Variants in TPD52 observed in about 807,000 individuals in gnomAD.
The protein encoded by TPD52 is prostate and colon associated protein.
Under a neutral mutation model 31.3 loss-of-function variants are expected in TPD52, and 17 were observed. That is an observed-to-expected ratio of 0.54 (90% CI 0.37 to 0.82). The LOEUF (loss-of-function observed/expected upper bound fraction) is 0.82, where lower values mean the gene tolerates loss of function less well. TPD52 is among the 40% of genes least tolerant of loss of function. TPD52 has a pLI of 0.00. For missense variants in TPD52, 212 were observed against 240.1 expected, an observed-to-expected ratio of 0.88 and a Z score of 0.77; for synonymous variants, 83 against 89.6, an observed-to-expected ratio of 0.93 and a Z score of 0.42.
chr8:80,147,780 C>G (rs577357378), intron 1 of TPD52, among the ~76,000 whole-genome samples: 18 of 151,940 alleles, frequency 1.2e-4, no homozygotes, highest in Middle Eastern at 3.4e-3. Context: ...CTAATCAAGC[C>G]TCTTCAAGAC....
chr8:80,119,965 G>A, intron 1 of TPD52: 1 of 263,200 alleles, frequency 3.8e-6, no homozygotes, highest in South Asian at 3.6e-5. Flanking sequence ...GGTACTGATG[G>A]GATCTCTCTG....
chr8:80,053,608 T>C (rs1486846564), intron 2 of TPD52, among the ~76,000 whole-genome samples, 178 bp from the exon 3 acceptor site: 2 of 152,186 alleles, frequency 1.3e-5, no homozygotes, highest in Admixed American at 6.5e-5. Context: ...TGATCTCTCC[T>C]GTAGAGTTCT....
At chr8:80,095,320 A>C (rs1816648710) in intron 1 of TPD52, among the ~76,000 whole-genome samples, 1 of 152,188 alleles carries the variant, frequency 6.6e-6, no homozygotes, top group Non-Finnish European at 1.5e-5. Context: ...AAAAGACAAA[A>C]TTATGGAGAC....
intron 1 of TPD52, among the ~76,000 whole-genome samples, chr8:80,071,488 C>A (rs1421040921): frequency 6.6e-6 from 1 of 152,120 alleles, no homozygotes; most frequent in Non-Finnish European, 1.5e-5. Flanking sequence ...CCCCCTGCAA[C>A]CTTGTGGCTG....
At chr8:80,088,974 C>T (rs1470505918) in intron 1 of TPD52, among the ~76,000 whole-genome samples, 1 of 152,186 alleles carries the variant, frequency 6.6e-6, no homozygotes. Context: ...GGATTACAGG[C>T]GTGAACCACT....
intron 1 of TPD52, among the ~76,000 whole-genome samples, chr8:80,087,147 C>T (rs1269788013): frequency 6.6e-6 from 1 of 151,876 alleles, no homozygotes. Flanking sequence ...TTTTTTTTCC[C>T]CCCATCAACT....
At chr8:80,151,318 T>A (rs1411299998) in intron 1 of TPD52, among the ~76,000 whole-genome samples, 1 of 152,212 alleles carries the variant, frequency 6.6e-6, no homozygotes, top group East Asian at 1.9e-4. Context: ...TTATTAGCAA[T>A]GTGAGAACAG....
chr8:80,098,503 G>A (rs1204099875), intron 1 of TPD52, among the ~76,000 whole-genome samples: 1 of 152,196 alleles, frequency 6.6e-6, no homozygotes, highest in Non-Finnish European at 1.5e-5. Context: ...TTCAGTGGAG[G>A]AAATAACTGC....
At chr8:80,148,317 A>AGAGTGTGTGT (rs1660270963) in intron 1 of TPD52, among the ~76,000 whole-genome samples, 1 of 143,996 alleles carries the variant, frequency 6.9e-6, no homozygotes, top group South Asian at 2.3e-4. Context: ...TTCCTGGCTA[A>AGAGTGTGTGT]GTGTGTGTGT....
intron 1 of TPD52, among the ~76,000 whole-genome samples, chr8:80,145,603 C>T (rs1810139197): frequency 6.6e-6 from 1 of 152,158 alleles, no homozygotes; most frequent in South Asian, 2.1e-4. Flanking sequence ...ATTCCGGGCC[C>T]ACTTCATGCC....
intron 1 of TPD52, among the ~76,000 whole-genome samples, chr8:80,142,032 G>GCTCT (rs1554593228): frequency 2.8e-5 from 3 of 107,000 alleles, no homozygotes; most frequent in Non-Finnish European, 5.6e-5. Flanking sequence ...TTCTTCCCTA[G>GCTCT]GTCTATCAAA....
intron 2 of TPD52, among the ~76,000 whole-genome samples, chr8:80,058,476 T>A (rs1812140940): frequency 6.6e-6 from 1 of 152,214 alleles, no homozygotes; most frequent in African/African-American, 2.4e-5. Context: ...GGGAAAAGGT[T>A]ATCTGTATTC....
intron 1 of TPD52, among the ~76,000 whole-genome samples, chr8:80,106,505 C>T (rs1417018070): frequency 1.3e-4 from 20 of 151,244 alleles, no homozygotes; most frequent in Admixed American, 1.2e-3. Context: ...TACAGGTGCA[C>T]GCCACCACAC....
At position 80,094,427 on chromosome 8, in the gene TPD52, ATT is replaced by A. The variant is rs1202833403; in HGVS notation, c.20-29836_20-29835del. On this transcript the variant is annotated intron_variant, in intron 1 of 7. Transcript: ENST00000518937. ...GTGACTAAGTTCTAGACAAAAGAAA[ATT>A]TTATATATATATATATATATATATA... Among the ~76,000 whole-genome samples the A allele has an allele frequency of 8.6e-3, 778 of 90,554 alleles. 42 individuals are homozygous for A. Among genetic ancestry groups the A allele is most frequent in the African/African-American group, 0.027 (679 of 24,910 alleles). 59.4% of individuals were successfully genotyped at this position (90,554 alleles called of 152,430 possible).
chr8:80,169,795 G>A (rs1001030733), intron 1 of TPD52, among the ~76,000 whole-genome samples: 1 of 152,082 alleles, frequency 6.6e-6, no homozygotes, highest in African/African-American at 2.4e-5. Context: ...CCCCTAAGCC[G>A]GCTAACAATA....
rs1258462585 is a variant in TPD52 at position 80,171,428 on chromosome 8, G to T, written c.16C>A (p.Gln6Lys). 6.3e-7 allele frequency: 1 copy of T among 1,595,286 alleles called. No homozygotes were observed. MDRGEQGLLRTDPVPE... is the reference protein window; with the variant it reads MDRGEKGLLRTDPVPE... ...CCCGCTGGGTCCGCGCCCTCACCTT[G>T]CTCGCCGCGGTCCATGTCTCCAGCC... Residue 6 changes from glutamine (Q) to lysine (K), a missense_variant, in exon 1 of 8, where the codon CAA (glutamine) becomes AAA (lysine). Gln to Lys is a moderately conservative substitution (Grantham distance 53). Transcript: ENST00000518937.
intron 1 of TPD52, among the ~76,000 whole-genome samples, chr8:80,129,338 T>C (rs1808853249): frequency 6.6e-6 from 1 of 152,196 alleles, no homozygotes; most frequent in East Asian, 1.9e-4. Flanking sequence ...TGTATTAAAA[T>C]TTATATTAAG....
At chr8:80,105,652 C>T (rs187863112) in intron 1 of TPD52, among the ~76,000 whole-genome samples, 3 of 151,832 alleles carry the variant, frequency 2.0e-5, no homozygotes, top group African/African-American at 7.2e-5. Context: ...GCTCGTCCTG[C>T]TACAAACCTT....
chr8:80,148,936 A>G (rs1459020260), intron 1 of TPD52, among the ~76,000 whole-genome samples: 3 of 152,042 alleles, frequency 2.0e-5, no homozygotes, highest in African/African-American at 7.3e-5. Flanking sequence ...TATTCAGCCT[A>G]TTTTTTTCCT....
Sources: allele counts gnomAD v4.1 joint callset (sites outside exome capture counted in the v4.1 genomes callset), GRCh38; gene constraint gnomAD v4.1.1; transcripts MANE v1.5; gene names NCBI Gene and HGNC (gene_info 2026-07-23, HGNC 2026-07-21).